MAPKAP1: variants seen among roughly 807,000 people sequenced by gnomAD.
MAPKAP1 encodes the protein MAPK associated protein 1.
In MAPKAP1, 20 loss-of-function variants were observed where a neutral mutation model predicts 65.7. That is an observed-to-expected ratio of 0.30 (90% confidence interval 0.21 to 0.44). The LOEUF (loss-of-function observed/expected upper bound fraction) is 0.44, where lower values mean the gene tolerates loss of function less well. MAPKAP1 is among the 20% of genes least tolerant of loss of function. The probability of loss-of-function intolerance (pLI) is 1.00; values close to 1 mark genes in which losing one functional copy is unlikely to be tolerated. For synonymous variants in MAPKAP1, 222 were observed against 244.3 expected, an observed-to-expected ratio of 0.91 and a Z score of 0.85; for missense variants, 423 against 648.0, an observed-to-expected ratio of 0.65 and a Z score of 3.77.
At chr9:125,580,543 G>C (rs532198159) in intron 5 of MAPKAP1, among the ~76,000 whole-genome samples, 1 of 123,504 alleles carries the variant, frequency 8.1e-6, no homozygotes, top group Non-Finnish European at 1.7e-5. Flanking sequence ...TTGTGGGGTG[G>C]GGGGAGGGGG....
At chr9:125,678,952 A>G (rs1004768060) in intron 1 of MAPKAP1, among the ~76,000 whole-genome samples, 3 of 152,210 alleles carry the variant, frequency 2.0e-5, no homozygotes, top group African/African-American at 4.8e-5. Context: ...CCTACACCAC[A>G]GAGCCTCTCA....
At chr9:125,643,934 G>T (rs1833651019) in intron 4 of MAPKAP1, among the ~76,000 whole-genome samples, 1 of 152,070 alleles carries the variant, frequency 6.6e-6, no homozygotes, top group Admixed American at 6.5e-5. Context: ...TAAAATTTCT[G>T]GGAAAATATA....
In MAPKAP1 at chr9:125,441,865, T is replaced by C. The variant is rs371989206; in HGVS notation, c.1443+2636A>G. On this transcript the variant is annotated intron_variant, in intron 11 of 11. Coordinates refer to ENST00000265960, the MANE Select transcript of MAPKAP1 (RefSeq NM_001006617.3). ...AGATGGGGCCGGGCCTGGCGGCTCA[T>C]GTCTTTAATCTCAGCACTTTGGGAG... 2.7e-4 allele frequency among the ~76,000 whole-genome samples: 41 copies of C among 152,192 alleles called. No homozygotes were observed. In the East Asian group the frequency reaches 4.6e-3, roughly 17 times the overall value.
At chr9:125,543,687 C>G (rs1830329204) in intron 6 of MAPKAP1, among the ~76,000 whole-genome samples, 1 of 152,298 alleles carries the variant, frequency 6.6e-6, no homozygotes, top group South Asian at 2.1e-4. Context: ...ATAAACGATT[C>G]TAGCGTGAGC....
chr9:125,683,727 G>A (rs777002164), intron 1 of MAPKAP1, among the ~76,000 whole-genome samples: 9 of 152,130 alleles, frequency 5.9e-5, no homozygotes, highest in Admixed American at 6.5e-5. Context: ...CTGACTCACC[G>A]TGAAATCATA....
intron 4 of MAPKAP1, among the ~76,000 whole-genome samples, chr9:125,622,762 C>T (rs995165099): frequency 1.3e-5 from 2 of 151,636 alleles, no homozygotes; most frequent in Admixed American, 6.6e-5. Flanking sequence ...ACAATTATTA[C>T]ATGTCAACTA....
At chr9:125,477,737 G>A (rs553373693) in intron 9 of MAPKAP1, among the ~76,000 whole-genome samples, 72 of 152,234 alleles carry the variant, frequency 4.7e-4, no homozygotes, top group African/African-American at 1.5e-3. Flanking sequence ...TGCATTCTCC[G>A]CTTGACCCGT....
chr9:125,497,497 CCT>C (rs1828842227), intron 8 of MAPKAP1, among the ~76,000 whole-genome samples: 1 of 152,166 alleles, frequency 6.6e-6, no homozygotes, highest in South Asian at 2.1e-4. Context: ...TCACTTCACC[CCT>C]CAGTTTCCTC....
chr9:125,685,443 T>C (rs1588073437), intron 1 of MAPKAP1, among the ~76,000 whole-genome samples: 1 of 152,072 alleles, frequency 6.6e-6, no homozygotes, highest in African/African-American at 2.4e-5. Flanking sequence ...AAGGAGCAAG[T>C]AGTAGATAAT....
intron 4 of MAPKAP1, among the ~76,000 whole-genome samples, chr9:125,620,374 G>A (rs992910134): frequency 1.3e-5 from 2 of 152,194 alleles, no homozygotes; most frequent in Non-Finnish European, 1.5e-5. Context: ...CTGTGGCAAG[G>A]CTATGGAGAA....
At chr9:125,662,946 G>A (rs1834230927) in intron 3 of MAPKAP1, among the ~76,000 whole-genome samples, 1 of 152,142 alleles carries the variant, frequency 6.6e-6, no homozygotes, top group Non-Finnish European at 1.5e-5. Context: ...GTAGTAAAAT[G>A]TATAAATCAA....
At chr9:125,535,400 A>G (rs2133149741) in intron 7 of MAPKAP1, among the ~76,000 whole-genome samples, 1 of 152,132 alleles carries the variant, frequency 6.6e-6, no homozygotes, top group Admixed American at 6.5e-5. Flanking sequence ...CCACATTTTA[A>G]TCCCTCTTTT....
At chr9:125,586,491 A>G (rs967175392) in intron 4 of MAPKAP1, among the ~76,000 whole-genome samples, 2 of 151,890 alleles carry the variant, frequency 1.3e-5, no homozygotes, top group African/African-American at 2.4e-5. Context: ...TCCTGTTAAA[A>G]GAGGACTGCT....
intron 4 of MAPKAP1, chr9:125,652,264 C>A: frequency 8.1e-7 from 1 of 1,235,978 alleles, no homozygotes; most frequent in Non-Finnish European, 1.1e-6. Context: ...AATGCTGAAA[C>A]AAGAGCAGCA....
chr9:125,573,881 CT>C (rs1831314655), intron 5 of MAPKAP1, among the ~76,000 whole-genome samples: 2 of 152,178 alleles, frequency 1.3e-5, no homozygotes, highest in South Asian at 4.1e-4. Flanking sequence ...CTTCAGAGCA[CT>C]TAATTCAGTT....
intron 7 of MAPKAP1, among the ~76,000 whole-genome samples, chr9:125,525,937 T>C (rs1046357220): frequency 1.3e-5 from 2 of 152,168 alleles, no homozygotes; most frequent in African/African-American, 4.8e-5. Flanking sequence ...AGCCACCTCC[T>C]GAAATAAATC....
chr9:125,693,662 C>CATATACACGTATACAT (rs1564620087), intron 1 of MAPKAP1, among the ~76,000 whole-genome samples: 1 of 141,910 alleles, frequency 7.0e-6, no homozygotes, highest in East Asian at 2.7e-4. Flanking sequence ...TATACATACA[C>CATATACACGTATACAT]ACACATATAC....
At chr9:125,593,497 A>G (rs958248522) in intron 4 of MAPKAP1, among the ~76,000 whole-genome samples, 2 of 152,038 alleles carry the variant, frequency 1.3e-5, no homozygotes, top group African/African-American at 4.8e-5. Context: ...CCCCGTCTCT[A>G]CTGAAATACA....
chr9:125,628,013 T>C (rs1833162925), intron 4 of MAPKAP1, among the ~76,000 whole-genome samples: 1 of 152,192 alleles, frequency 6.6e-6, no homozygotes, highest in Non-Finnish European at 1.5e-5. Context: ...GACTACTGAA[T>C]GTTAGGGTCT....
Sources: gnomAD v4.1 joint callset for allele counts (sites outside exome capture counted in the v4.1 genomes callset) on GRCh38, gnomAD v4.1.1 for gene constraint, MANE v1.5 for transcripts, NCBI Gene and HGNC (gene_info 2026-07-23, HGNC 2026-07-21) for gene names.